PRKG1: variants seen among roughly 807,000 people sequenced by gnomAD.
PRKG1 encodes protein kinase cGMP-dependent 1.
A neutral mutation model predicts 88.1 loss-of-function variants in PRKG1; 35 were observed. The ratio of observed to expected loss-of-function variants is 0.40; its 90% CI spans 0.30 to 0.53. PRKG1 has a LOEUF of 0.53. PRKG1 is among the 20% of genes least tolerant of loss of function. The probability of loss-of-function intolerance (pLI) is 0.59; values close to 1 mark genes in which losing one functional copy is unlikely to be tolerated. For synonymous variants in PRKG1, 303 were observed against 292.5 expected (o/e 1.04, Z -0.37); for missense variants, 540 against 839.8 (o/e 0.64, Z 4.41).
In PRKG1 at chr10:51,269,118, A is replaced by C. The variant is rs115665019; in HGVS notation, c.478+115788A>C. Among the ~76,000 whole-genome samples, 891 of 152,304 alleles carry C rather than the reference A, an allele frequency of 5.9e-3. 3 individuals carry two copies. The highest frequency in any genetic ancestry group is 0.02 in the African/African-American group (846 of 41,572). ...CAAATAGCCAACAAACATATGAAAA[A>C]ATCCTCAACATCACTAATTATCAGG... On this transcript the variant is annotated intron_variant, in intron 2 of 17. Coordinates refer to ENST00000373980, the MANE Select transcript of PRKG1 (RefSeq NM_006258.4).
intron 9 of PRKG1, among the ~76,000 whole-genome samples, chr10:52,164,700 C>T (rs1429535263): frequency 7.2e-5 from 11 of 152,020 alleles, no homozygotes; most frequent in African/African-American, 2.7e-4. Flanking sequence ...CTATTTGAAA[C>T]CATTGATTTG....
At chr10:52,083,685 A>G (rs1256827246) in intron 7 of PRKG1, among the ~76,000 whole-genome samples, 1 of 152,040 alleles carries the variant, frequency 6.6e-6, no homozygotes, top group Non-Finnish European at 1.5e-5. Flanking sequence ...GCAAGTATAA[A>G]GCAAAATCTA....
intron 5 of PRKG1, among the ~76,000 whole-genome samples, chr10:51,918,641 C>A (rs1247972885): frequency 6.6e-6 from 1 of 152,108 alleles, no homozygotes; most frequent in Admixed American, 6.6e-5. Flanking sequence ...GATTTGCTGT[C>A]ATTTATGGGG....
chr10:51,737,946 T>C (rs1257573353), intron 3 of PRKG1, among the ~76,000 whole-genome samples: 1 of 151,594 alleles, frequency 6.6e-6, no homozygotes, highest in Non-Finnish European at 1.5e-5. Flanking sequence ...TTTTGTTTGT[T>C]TGTTTTTTGT....
At chr10:51,987,465 T>TA (rs1339683936) in intron 5 of PRKG1, among the ~76,000 whole-genome samples, 2 of 151,414 alleles carry the variant, frequency 1.3e-5, no homozygotes, top group Non-Finnish European at 2.9e-5. Context: ...TTACTTTTTT[T>TA]TTTTTTTTTC....
In PRKG1 at chr10:52,166,908, CACACACACAT is replaced by C. The variant is rs1165846297; in HGVS notation, c.1076+4947_1076+4956del. On this transcript the variant is annotated intron_variant, in intron 9 of 17. Coordinates refer to ENST00000373980, the MANE Select transcript of PRKG1 (RefSeq NM_006258.4). ...ACACACACACACACACACACACACACACACACACATATATATAAGCCAAGATAGAGAAAGA... is the reference window on the plus strand; with the variant it reads ...ACACACACACACACACACACACACACATATATAAGCCAAGATAGAGAAAGA... 2.8e-3 allele frequency among the ~76,000 whole-genome samples: 398 copies of C among 140,854 alleles called. 2 individuals are homozygous for C. The highest frequency in any genetic ancestry group is 1.0e-2 in the African/African-American group (380 of 38,078). 92.4% of individuals were successfully genotyped at this position (140,854 alleles called of 152,430 possible). A position where few individuals can be genotyped will look rare whatever the true frequency, so the allele number is the denominator to read the frequency against.
chr10:51,389,421 A>G (rs778551744), intron 2 of PRKG1, among the ~76,000 whole-genome samples: 3 of 152,040 alleles, frequency 2.0e-5, no homozygotes, highest in East Asian at 1.9e-4. Context: ...ATTCTTTTAC[A>G]CTCCTCACAG....
chr10:51,251,158 A>G (rs1267747800), intron 2 of PRKG1, among the ~76,000 whole-genome samples: 2 of 151,744 alleles, frequency 1.3e-5, no homozygotes, highest in African/African-American at 2.4e-5. Context: ...TAAACAACAA[A>G]TTGCATTGCT....
rs550897190 is a variant in PRKG1, at chr10:51,052,537, A to G, written c.266+60893A>G. The stretch of plus-strand genomic sequence containing the variant: ...TGGAAAAATTATTTAGAATGCAAAT[A>G]TATCTCTTTGTTTTATTTTTAACTA... On this transcript the variant is annotated intron_variant, in intron 1 of 17. Transcript: ENST00000401604. 2.6e-5 allele frequency among the ~76,000 whole-genome samples: 4 copies of G among 152,360 alleles called. No individual in the cohort carries two copies. The South Asian group carries it at 6.2e-4, about 24-fold the overall frequency.
intron 2 of PRKG1, among the ~76,000 whole-genome samples, chr10:51,215,038 G>A (rs1838334421): frequency 6.6e-6 from 1 of 152,086 alleles, no homozygotes; most frequent in African/African-American, 2.4e-5. Context: ...TACAGCGTGG[G>A]CGGCTAACTT....
intron 8 of PRKG1, among the ~76,000 whole-genome samples, chr10:52,142,629 A>G (rs2132652281): frequency 6.6e-6 from 1 of 152,192 alleles, no homozygotes; most frequent in East Asian, 1.9e-4. Flanking sequence ...AATGGATAAG[A>G]ACCTCACGAG....
At chr10:52,238,726 C>A (rs1479994962) in intron 9 of PRKG1, among the ~76,000 whole-genome samples, 1 of 148,294 alleles carries the variant, frequency 6.7e-6, no homozygotes, top group African/African-American at 2.5e-5. Flanking sequence ...GTTGGTGGGA[C>A]TGTAAACTAG....
chr10:51,741,811 T>C (rs1837442125), intron 3 of PRKG1, among the ~76,000 whole-genome samples: 1 of 152,328 alleles, frequency 6.6e-6, no homozygotes, highest in South Asian at 2.1e-4. Context: ...TTTTCAGTGC[T>C]AACTTTGTAG....
chr10:51,799,604 A>G (rs946273136), intron 3 of PRKG1, among the ~76,000 whole-genome samples: 4 of 151,836 alleles, frequency 2.6e-5, no homozygotes, highest in African/African-American at 7.2e-5. Context: ...TGGGGATCCT[A>G]GGAGATACTG....
At chr10:51,063,556 A>C (rs568043728) in intron 1 of PRKG1, among the ~76,000 whole-genome samples, 1 of 152,322 alleles carries the variant, frequency 6.6e-6, no homozygotes, top group South Asian at 2.1e-4. Flanking sequence ...CTTCATTAGA[A>C]TCTTACAAGA....
chr10:52,262,245 T>C (rs1044570507), intron 10 of PRKG1, among the ~76,000 whole-genome samples: 1 of 152,090 alleles, frequency 6.6e-6, no homozygotes, highest in African/African-American at 2.4e-5. Context: ...TATCTGTTTC[T>C]ATAATATGAA....
intron 3 of PRKG1, among the ~76,000 whole-genome samples, chr10:51,695,261 C>T (rs1010073975): frequency 2.0e-5 from 3 of 152,106 alleles, no homozygotes; most frequent in Non-Finnish European, 2.9e-5. Context: ...ATCTGACTAC[C>T]GCCAAGATGT....
At chr10:51,532,337 C>T (rs547565220) in intron 3 of PRKG1, among the ~76,000 whole-genome samples, 6 of 152,314 alleles carry the variant, frequency 3.9e-5, no homozygotes, top group Admixed American at 3.9e-4. Context: ...ATCCCTGACT[C>T]TTGTGAAAAT....
chr10:51,844,541 C>T (rs1357945111), intron 4 of PRKG1, among the ~76,000 whole-genome samples: 1 of 152,062 alleles, frequency 6.6e-6, no homozygotes. Context: ...TTTTAAATCA[C>T]ATTGGTTATT....
Sources: allele counts gnomAD v4.1 joint callset (sites outside exome capture counted in the v4.1 genomes callset), GRCh38; gene constraint gnomAD v4.1.1; transcripts MANE v1.5; gene names NCBI Gene and HGNC (gene_info 2026-07-23, HGNC 2026-07-21).